ADARB2: variants seen among roughly 807,000 people sequenced by gnomAD.
ADARB2 encodes the protein inactive double-stranded RNA-specific editase B2.
ADARB2 carries 25 observed loss-of-function variants against 62.2 expected under a neutral mutation model. The observed-to-expected ratio is 0.40, with a 90% CI of 0.29 to 0.56. The LOEUF is 0.56. ADARB2 is among the 20% of genes least tolerant of loss of function. The probability of loss-of-function intolerance (pLI) is 0.43; values close to 1 mark genes in which losing one functional copy is unlikely to be tolerated. For synonymous variants in ADARB2, 572 were observed against 500.8 expected (o/e 1.14, Z -1.90); for missense variants, 1,071 against 1,077.4 (o/e 0.99, Z 0.08).
At chr10:1,204,187 C>G (rs1441150372) in intron 7 of ADARB2, among the ~76,000 whole-genome samples, 1 of 152,160 alleles carries the variant, frequency 6.6e-6, no homozygotes, top group Non-Finnish European at 1.5e-5. Context: ...AAGTCTGAGA[C>G]GTCTCTGCAT....
At chr10:1,448,919 A>C (rs1299526278) in intron 1 of ADARB2, among the ~76,000 whole-genome samples, 1 of 152,166 alleles carries the variant, frequency 6.6e-6, no homozygotes, top group Non-Finnish European at 1.5e-5. Context: ...AGGGGTCCCC[A>C]GCTCATCTTG....
chr10:1,465,639 C>A (rs1482112712), intron 1 of ADARB2, among the ~76,000 whole-genome samples: 1 of 152,202 alleles, frequency 6.6e-6, no homozygotes, highest in Non-Finnish European at 1.5e-5. Flanking sequence ...TCAGACTGAC[C>A]TTTGCTCATG....
intron 1 of ADARB2, among the ~76,000 whole-genome samples, chr10:1,488,503 T>C (rs1831573700): frequency 6.6e-6 from 1 of 152,200 alleles, no homozygotes; most frequent in East Asian, 1.9e-4. Context: ...CAAATTGCCC[T>C]GGTGGGACGG....
chr10:1,439,314 T>C (rs866564765), intron 1 of ADARB2, among the ~76,000 whole-genome samples: 2 of 135,364 alleles, frequency 1.5e-5, no homozygotes, highest in South Asian at 2.6e-4. Context: ...CTTCTGAGTC[T>C]CTCCCAGGAT....
intron 1 of ADARB2, among the ~76,000 whole-genome samples, chr10:1,540,315 C>T (rs1334038039): frequency 6.6e-6 from 1 of 152,024 alleles, no homozygotes; most frequent in East Asian, 1.9e-4. Context: ...AAAATAAACT[C>T]AGTCTATGCC....
At chr10:1,567,905 G>C (rs144849947) in intron 1 of ADARB2, among the ~76,000 whole-genome samples, 2 of 152,160 alleles carry the variant, frequency 1.3e-5, no homozygotes, top group Admixed American at 1.3e-4. Context: ...CTGACTCCTC[G>C]GAGTGCCCTT....
At chr10:1,614,984 TTCTTC>T (rs1833614727) in intron 1 of ADARB2, among the ~76,000 whole-genome samples, 1 of 152,150 alleles carries the variant, frequency 6.6e-6, no homozygotes, top group East Asian at 1.9e-4. Flanking sequence ...TTATGGCTCT[TTCTTC>T]TCATTGTTGG....
chr10:1,621,277 A>G (rs1183567599), intron 1 of ADARB2, among the ~76,000 whole-genome samples: 2 of 152,252 alleles, frequency 1.3e-5, no homozygotes, highest in Non-Finnish European at 2.9e-5. Flanking sequence ...AGATTGCAGG[A>G]CATATGATTA....
At chr10:1,616,866 A>G (rs564452483) in intron 1 of ADARB2, among the ~76,000 whole-genome samples, 1 of 138,742 alleles carries the variant, frequency 7.2e-6, no homozygotes, top group Non-Finnish European at 1.5e-5. Flanking sequence ...TGTGCTCTGC[A>G]TCCTGGGAAC....
chr10:1,576,076 C>CTA (rs1833012930), intron 1 of ADARB2, among the ~76,000 whole-genome samples: 5 of 51,388 alleles, frequency 9.7e-5, no homozygotes, highest in Admixed American at 4.6e-4. Flanking sequence ...CCCAGGGTCA[C>CTA]AGGAGGGGGC....
chr10:1,345,504 T>C (rs1282203841), intron 3 of ADARB2, among the ~76,000 whole-genome samples: 2 of 152,094 alleles, frequency 1.3e-5, no homozygotes, highest in Non-Finnish European at 2.9e-5. Context: ...GTGACCACAG[T>C]TGTCAGAGCT....
intron 1 of ADARB2, among the ~76,000 whole-genome samples, chr10:1,434,674 G>A (rs1211722214): frequency 6.6e-6 from 1 of 152,136 alleles, no homozygotes; most frequent in African/African-American, 2.4e-5. Context: ...ACAAGATAAG[G>A]GTAATCACCC....
At chr10:1,413,786 G>A (rs1026712256) in intron 1 of ADARB2, among the ~76,000 whole-genome samples, 2 of 152,010 alleles carry the variant, frequency 1.3e-5, no homozygotes, top group Admixed American at 1.3e-4. Flanking sequence ...TTAATTTTTT[G>A]GTCAAAACCC....
intron 1 of ADARB2, among the ~76,000 whole-genome samples, chr10:1,548,312 C>T (rs1198576514): frequency 2.0e-5 from 3 of 152,218 alleles, no homozygotes; most frequent in Non-Finnish European, 4.4e-5. Flanking sequence ...CCAGGCTCCC[C>T]TCCCTTCGCT....
chr10:1,692,452 G>A (rs960556605), intron 1 of ADARB2, among the ~76,000 whole-genome samples: 2 of 152,222 alleles, frequency 1.3e-5, no homozygotes, highest in Non-Finnish European at 2.9e-5. Flanking sequence ...TTGTGGACAA[G>A]CAGGGGTTTC....
At chr10:1,431,566 C>A (rs559511804) in intron 1 of ADARB2, among the ~76,000 whole-genome samples, 1 of 151,538 alleles carries the variant, frequency 6.6e-6, no homozygotes, top group South Asian at 2.1e-4. Flanking sequence ...CTATAAAAAA[C>A]AAGAAAAATA....
intron 8 of ADARB2, among the ~76,000 whole-genome samples, chr10:1,195,249 C>G (rs1836893977): frequency 6.6e-6 from 1 of 152,162 alleles, no homozygotes; most frequent in South Asian, 2.1e-4. Context: ...CTTGGTGCCA[C>G]CAAGGAGAAT....
chr10:1,619,706 T>C (rs1294465064), intron 1 of ADARB2, among the ~76,000 whole-genome samples: 1 of 152,152 alleles, frequency 6.6e-6, no homozygotes, highest in Non-Finnish European at 1.5e-5. Flanking sequence ...CATATTGGCC[T>C]CCCAAAGTGC....
At chr10:1,565,904 A>T (rs2131989077) in intron 1 of ADARB2, among the ~76,000 whole-genome samples, 1 of 152,082 alleles carries the variant, frequency 6.6e-6, no homozygotes, top group Middle Eastern at 3.4e-3. Context: ...GTAACTCTGC[A>T]CCCCACCCTA....
Sources: gnomAD v4.1 joint callset for allele counts (sites outside exome capture counted in the v4.1 genomes callset) on GRCh38, gnomAD v4.1.1 for gene constraint, MANE v1.5 for transcripts, NCBI Gene and HGNC (gene_info 2026-07-23, HGNC 2026-07-21) for gene names.